NKAIN2: variants seen among roughly 807,000 people sequenced by gnomAD.
The protein encoded by NKAIN2 is sodium/potassium transporting ATPase interacting 2, also known as sodium/potassium-transporting ATPase subunit beta-1-interacting protein 2.
Under a neutral mutation model 32.6 loss-of-function variants are expected in NKAIN2, and 14 were observed. The ratio of observed to expected loss-of-function variants is 0.43; its 90% CI spans 0.28 to 0.67. The LOEUF (loss-of-function observed/expected upper bound fraction) is 0.67, where lower values mean the gene tolerates loss of function less well. Ranked by LOEUF, NKAIN2 falls within the 30% of genes least tolerant of loss-of-function variation. The pLI is 0.17. For synonymous variants in NKAIN2, 80 were observed against 87.2 expected, an observed-to-expected ratio of 0.92 and a Z score of 0.46; for missense variants, 198 against 258.3, an observed-to-expected ratio of 0.77 and a Z score of 1.60.
chr6:124,586,992 CA>C (rs775108881), intron 3 of NKAIN2, among the ~76,000 whole-genome samples: 1 of 152,130 alleles, frequency 6.6e-6, no homozygotes, highest in African/African-American at 2.4e-5. Flanking sequence ...GGCAAAACTT[CA>C]AGGTAGGAAA....
intron 1 of NKAIN2, among the ~76,000 whole-genome samples, chr6:123,910,499 GTTT>G (rs35165515): frequency 1.2e-5 from 1 of 81,312 alleles, no homozygotes; most frequent in Non-Finnish European, 2.2e-5. Context: ...TGCAATGCAT[GTTT>G]TTTTTTTTTT....
At chr6:124,534,305 C>T (rs1224674276) in intron 3 of NKAIN2, among the ~76,000 whole-genome samples, 1 of 152,062 alleles carries the variant, frequency 6.6e-6, no homozygotes, top group Non-Finnish European at 1.5e-5. Context: ...AGTGCACCAC[C>T]ACAACCAGCT....
intron 1 of NKAIN2, among the ~76,000 whole-genome samples, chr6:123,810,250 T>C (rs1773402832): frequency 6.6e-6 from 1 of 152,182 alleles, no homozygotes; most frequent in African/African-American, 2.4e-5. Flanking sequence ...AATCTCAGCC[T>C]GACTCTGAAC....
At chr6:124,534,779 T>C (rs1779654511) in intron 3 of NKAIN2, among the ~76,000 whole-genome samples, 1 of 152,168 alleles carries the variant, frequency 6.6e-6, no homozygotes. Context: ...CACATTAATA[T>C]CTCTCAACAC....
At chr6:124,408,241 T>G (rs1012048402) in intron 3 of NKAIN2, among the ~76,000 whole-genome samples, 1 of 152,184 alleles carries the variant, frequency 6.6e-6, no homozygotes, top group Non-Finnish European at 1.5e-5. Flanking sequence ...TTGCCATTGC[T>G]TTTGGTGTTT....
chr6:124,530,298 A>C (rs147151007), intron 3 of NKAIN2, among the ~76,000 whole-genome samples: 3 of 152,220 alleles, frequency 2.0e-5, no homozygotes, highest in Admixed American at 6.5e-5. Flanking sequence ...CAACATTATT[A>C]AGAAAATCAT....
chr6:124,725,994 T>A (rs1776276130), intron 4 of NKAIN2, among the ~76,000 whole-genome samples: 1 of 152,184 alleles, frequency 6.6e-6, no homozygotes, highest in South Asian at 2.1e-4. Context: ...ACTGCGCTTT[T>A]CCGACGGGCT....
intron 3 of NKAIN2, among the ~76,000 whole-genome samples, chr6:124,607,087 TAGA>T (rs1315072844): frequency 6.6e-6 from 1 of 152,108 alleles, no homozygotes; most frequent in Non-Finnish European, 1.5e-5. Context: ...CAAGGAAATC[TAGA>T]AGGAGAAATA....
intron 3 of NKAIN2, among the ~76,000 whole-genome samples, chr6:124,434,499 T>G (rs1166387824): frequency 6.6e-6 from 1 of 152,168 alleles, no homozygotes; most frequent in Non-Finnish European, 1.5e-5. Flanking sequence ...TTGTAATCTT[T>G]GGAATGTTAG....
intron 3 of NKAIN2, among the ~76,000 whole-genome samples, chr6:124,558,235 T>C (rs1299553060): frequency 6.6e-6 from 1 of 152,220 alleles, no homozygotes; most frequent in African/African-American, 2.4e-5. Context: ...TCATGATTTA[T>C]GTGTAGCATC....
chr6:123,903,011 T>G (rs2114422431), intron 1 of NKAIN2, among the ~76,000 whole-genome samples: 1 of 152,372 alleles, frequency 6.6e-6, no homozygotes, highest in South Asian at 2.1e-4. Flanking sequence ...TAGTTAGTCA[T>G]ACTGCTTTGT....
At chr6:124,431,961 C>T (rs548500630) in intron 3 of NKAIN2, among the ~76,000 whole-genome samples, 15 of 152,172 alleles carry the variant, frequency 9.9e-5, no homozygotes, top group African/African-American at 3.1e-4. Flanking sequence ...AATCGTTGTT[C>T]AGAAAGAAGA....
chr6:124,019,391 C>T (rs543746254), intron 1 of NKAIN2, among the ~76,000 whole-genome samples: 11 of 133,652 alleles, frequency 8.2e-5, no homozygotes, highest in African/African-American at 2.8e-4. Flanking sequence ...CTGCATTCCT[C>T]AACATAGGAG....
chr6:124,430,550 G>T (rs139017631), intron 3 of NKAIN2, among the ~76,000 whole-genome samples: 139 of 152,182 alleles, frequency 9.1e-4, no homozygotes, highest in African/African-American at 3.2e-3. Context: ...ATAGCCAGGG[G>T]CTGAAACAAT....
chr6:124,037,125 C>T (rs141200194), intron 1 of NKAIN2, among the ~76,000 whole-genome samples: 31 of 152,048 alleles, frequency 2.0e-4, no homozygotes, highest in Non-Finnish European at 4.0e-4. Context: ...GGCAGAGAGG[C>T]GAGTGCTCAC....
In NKAIN2 at chr6:124,106,272, A is replaced by G. The variant is rs144775430; in HGVS notation, c.55-176733A>G. On this transcript the variant is annotated intron_variant, in intron 1 of 6. Transcript: ENST00000368417. ...CATGACTGAGTAGTTGGTGGCTTCT[A>G]TTAGCAGTAAATTGATGACGTGACA... 2.1e-3 allele frequency among the ~76,000 whole-genome samples: 326 copies of G among 152,300 alleles called. 1 individual carries two copies. The highest frequency in any genetic ancestry group is 7.4e-3 in the African/African-American group (308 of 41,564).
intron 1 of NKAIN2, among the ~76,000 whole-genome samples, chr6:124,258,186 G>A (rs1052708943): frequency 6.6e-6 from 1 of 151,950 alleles, no homozygotes; most frequent in South Asian, 2.1e-4. Context: ...AATTAAATTG[G>A]TCAGATTCAC....
intron 1 of NKAIN2, among the ~76,000 whole-genome samples, chr6:124,265,761 G>GC (rs5879723): frequency 0.077 from 11,746 of 152,234 alleles, 486 homozygotes; most frequent in Middle Eastern, 0.1. Flanking sequence ...AAGGCAATCA[G>GC]CCCCCTTGGA....
chr6:124,041,638 AC>A (rs1310639590), intron 1 of NKAIN2, among the ~76,000 whole-genome samples: 1 of 152,068 alleles, frequency 6.6e-6, no homozygotes, highest in East Asian at 1.9e-4. Flanking sequence ...CTGTAGTTAC[AC>A]TGAATAACAT....
Sources: allele counts gnomAD v4.1 joint callset (sites outside exome capture counted in the v4.1 genomes callset), GRCh38; gene constraint gnomAD v4.1.1; transcripts MANE v1.5; gene names NCBI Gene and HGNC (gene_info 2026-07-23, HGNC 2026-07-21).